Variants in CD44 observed in about 807,000 individuals in gnomAD.
CD44 encodes the protein CD44 antigen.
A neutral mutation model predicts 88.8 loss-of-function variants in CD44; 49 were observed. The observed-to-expected ratio is 0.55, with a 90% CI of 0.44 to 0.70. CD44 has a LOEUF of 0.70. Among genes scored for constraint, CD44 ranks in the 30% least tolerant of loss-of-function variants. CD44 has a pLI of 0.00. For synonymous variants in CD44, 325 were observed against 312.3 expected (o/e 1.04, Z -0.43); for missense variants, 883 against 913.8 (o/e 0.97, Z 0.43).
intron 1 of CD44, among the ~76,000 whole-genome samples, chr11:35,168,941 A>C (rs187033946): frequency 7.9e-5 from 12 of 152,372 alleles, no homozygotes; most frequent in Admixed American, 3.9e-4. Context: ...CCAGTTACAA[A>C]ACTAAAAGTT....
intron 1 of CD44, among the ~76,000 whole-genome samples, chr11:35,145,834 G>A (rs1331904845): frequency 2.6e-5 from 4 of 152,182 alleles, no homozygotes; most frequent in African/African-American, 9.7e-5. Flanking sequence ...CAATTATCAA[G>A]CTGTCATCTG....
At chr11:35,224,916 G>A (rs887972419) in intron 17 of CD44, among the ~76,000 whole-genome samples, 4 of 152,130 alleles carry the variant, frequency 2.6e-5, no homozygotes, top group Non-Finnish European at 5.9e-5. Flanking sequence ...CAATCAGTAG[G>A]TCTTCTCTAC....
rs748098890 is a variant in CD44, at chr11:35,211,488, TAGAG to T, written c.1810+41_1810+44del. 5 of 1,453,728 alleles carry T rather than the reference TAGAG, an allele frequency of 3.4e-6. No homozygotes were observed. In the African/African-American group the frequency reaches 5.6e-5, roughly 16 times the overall value. The allele number at this position is 1,453,728 out of a possible 1,614,324, so 90.1% of individuals were successfully genotyped here. A position where few individuals can be genotyped will look rare whatever the true frequency, so the allele number is the denominator to read the frequency against. On this transcript the variant is annotated intron_variant, in intron 14 of 17. Coordinates refer to ENST00000428726, the MANE Select transcript of CD44 (RefSeq NM_000610.4). ...TATTATCTAGTTTGCTTTCTCTATATAGAGAAACAATATATAGTTTCATATTACA... is the reference window on the plus strand; with the variant it reads ...TATTATCTAGTTTGCTTTCTCTATATAAACAATATATAGTTTCATATTACA...
chr11:35,139,711 C>A, intron 1 of CD44: 1 of 545,660 alleles, frequency 1.8e-6, no homozygotes, highest in Non-Finnish European at 3.5e-6. Flanking sequence ...CTAACAGGCT[C>A]CTGTGCCCAA....
At chr11:35,171,423 A>G (rs1943871903) in intron 1 of CD44, among the ~76,000 whole-genome samples, 1 of 152,206 alleles carries the variant, frequency 6.6e-6, no homozygotes, top group Admixed American at 6.5e-5. Context: ...TTTACTTTGC[A>G]TAGGATTTCT....
chr11:35,144,447 T>C (rs554360639), intron 1 of CD44, among the ~76,000 whole-genome samples: 1 of 152,338 alleles, frequency 6.6e-6, no homozygotes, highest in African/African-American at 2.4e-5. Context: ...GTGTCCCTGC[T>C]TTAATGGGAA....
intron 11 of CD44, among the ~76,000 whole-genome samples, chr11:35,206,671 G>GGGA (rs1554971941): frequency 6.9e-6 from 1 of 145,112 alleles, no homozygotes; most frequent in African/African-American, 2.8e-5. Context: ...GGGGTTGGTG[G>GGGA]GGGGGGCAGT....
intron 3 of CD44, among the ~76,000 whole-genome samples, chr11:35,185,559 T>G (rs1945578451): frequency 6.7e-6 from 1 of 150,214 alleles, no homozygotes. Context: ...TCTGTCTGTC[T>G]GCCTGCCTGT....
chr11:35,172,122 C>A (rs923733809), intron 1 of CD44, among the ~76,000 whole-genome samples: 1 of 152,016 alleles, frequency 6.6e-6, no homozygotes, highest in Non-Finnish European at 1.5e-5. Context: ...GCATCTCAGA[C>A]AACGGCTGCC....
Position 35,201,063 on chromosome 11 carries a change from T to C in CD44, c.923-19T>C. 1 of 1,557,648 alleles carries C rather than the reference T, an allele frequency of 6.4e-7. No homozygotes were observed. ...AAGAAATAACATTTTTCTAATTGCT[T>C]CAATCATCGTTATCACAGTTTCAAC... is the stretch of plus-strand genomic sequence containing the variant. On this transcript the variant is annotated intron_variant, in intron 7 of 17. Coordinates refer to ENST00000428726, the MANE Select transcript of CD44 (RefSeq NM_000610.4).
chr11:35,226,094 G>C (rs1273463814), intron 17 of CD44, among the ~76,000 whole-genome samples: 1 of 152,182 alleles, frequency 6.6e-6, no homozygotes, highest in African/African-American at 2.4e-5. Flanking sequence ...ATATTGGAAT[G>C]AGTTATTTAT....
At position 35,195,307 on chromosome 11, in the gene CD44, T is replaced by G. The variant is rs550773115; in HGVS notation, c.668-1439T>G. Reference sequence around the variant, plus strand: ...AAATTATTCTTTACATTTGTTTGCCTTATATGACATTGGATAAATTATATT... The same window carrying G: ...AAATTATTCTTTACATTTGTTTGCCGTATATGACATTGGATAAATTATATT... On this transcript the variant is annotated intron_variant, in intron 5 of 17. Transcript: ENST00000428726. Among the ~76,000 whole-genome samples the G allele has an allele frequency of 2.6e-5, 4 of 152,338 alleles. No homozygotes were observed. In the South Asian group the frequency reaches 8.3e-4, roughly 32 times the overall value.
chr11:35,220,380 A>G (rs1949194971), intron 16 of CD44, among the ~76,000 whole-genome samples: 1 of 152,100 alleles, frequency 6.6e-6, no homozygotes. Context: ...AGTCTCCCCC[A>G]CTTCTGACTC....
At chr11:35,211,218 G>C (rs1252216310) in intron 13 of CD44, 28 bp from the exon 14 acceptor site, 1 of 1,571,326 alleles carries the variant, frequency 6.4e-7, no homozygotes, top group Non-Finnish European at 8.8e-7. Flanking sequence ...ACAAATACGG[G>C]TTCATCACTG....
chr11:35,199,946 T>TTG (rs1485804199), intron 7 of CD44, among the ~76,000 whole-genome samples: 2 of 149,288 alleles, frequency 1.3e-5, no homozygotes, highest in East Asian at 1.9e-4. Context: ...TTTTTTTTTT[T>TTG]TTTTTTTTTT....
At chr11:35,154,968 G>C (rs1941658941) in intron 1 of CD44, among the ~76,000 whole-genome samples, 1 of 152,004 alleles carries the variant, frequency 6.6e-6, no homozygotes, top group Non-Finnish European at 1.5e-5. Flanking sequence ...CTGCAATTTA[G>C]CACCCCTCAT....
In CD44 at chr11:35,170,468, A is replaced by G. The variant is rs571093077; in HGVS notation, c.68-6107A>G. 2.0e-5 allele frequency among the ~76,000 whole-genome samples: 3 copies of G among 152,316 alleles called. No individual in the cohort carries two copies. In the East Asian group the frequency reaches 5.8e-4, roughly 29 times the overall value. ...ACCCCTCTGTGCTGCCCACAGCCCT[A>G]TAGTAATGAGCGTGCTAAAGGCCTG... On this transcript the variant is annotated intron_variant, in intron 1 of 17. Coordinates refer to ENST00000428726, the MANE Select transcript of CD44 (RefSeq NM_000610.4).
chr11:35,185,532 C>T (rs1357686325), intron 3 of CD44, among the ~76,000 whole-genome samples: 2 of 152,176 alleles, frequency 1.3e-5, no homozygotes, highest in South Asian at 2.1e-4. Flanking sequence ...TGATAACAGC[C>T]TTTCTTGTGA....
At chr11:35,177,278 T>C (rs1944560975) in intron 2 of CD44, among the ~76,000 whole-genome samples, 1 of 152,160 alleles carries the variant, frequency 6.6e-6, no homozygotes, top group African/African-American at 2.4e-5. Context: ...GATATATTAT[T>C]TTTGGGAGCC....
Sources: allele counts gnomAD v4.1 joint callset (sites outside exome capture counted in the v4.1 genomes callset), GRCh38; gene constraint gnomAD v4.1.1; transcripts MANE v1.5; gene names NCBI Gene and HGNC (gene_info 2026-07-23, HGNC 2026-07-21).